The following ADGRV1 variants were observed in gnomAD, a reference collection of about 807,000 sequenced individuals.
The protein encoded by ADGRV1 is G-protein coupled receptor 98.
ADGRV1 carries 359 observed loss-of-function variants against 596.2 expected under a neutral mutation model. That is an observed-to-expected ratio of 0.60 (90% CI 0.55 to 0.66). The LOEUF (loss-of-function observed/expected upper bound fraction) is 0.66, where lower values mean the gene tolerates loss of function less well. Among genes scored for constraint, ADGRV1 ranks in the 30% least tolerant of loss-of-function variants. The pLI is 0.00. For synonymous variants in ADGRV1, 2,681 were observed against 2,679.2 expected, an observed-to-expected ratio of 1.00 and a Z score of -0.02; for missense variants, 7,274 against 7,575.6, an observed-to-expected ratio of 0.96 and a Z score of 1.48.
intron 89 of ADGRV1, among the ~76,000 whole-genome samples, chr5:91,159,360 G>A (rs970366394): frequency 6.6e-5 from 10 of 152,206 alleles, no homozygotes; most frequent in Admixed American, 2.0e-4. Context: ...AAGCCACTGT[G>A]TTAGTGCATA....
At chr5:90,639,450 TCTAA>T (rs1766694078) in intron 11 of ADGRV1, among the ~76,000 whole-genome samples, 1 of 152,198 alleles carries the variant, frequency 6.6e-6, no homozygotes, top group Non-Finnish European at 1.5e-5. Context: ...TTATATTCTT[TCTAA>T]CTATTCATTT....
Position 90,676,104 on chromosome 5 carries a change from C to A in ADGRV1, c.5338C>A (p.Gln1780Lys). ...YQNVAGTLEFQPGERYKYIFI... is the reference protein window; with the variant it reads ...YQNVAGTLEFKPGERYKYIFI... ...GAATGTTGCTGGCACATTAGAATTT[C>A]AACCAGGAGAAAGATATAAATACAT... The change falls in exon 25 of 90, where the codon CAA (glutamine) becomes AAA (lysine). Residue 1780 changes from glutamine to lysine, a missense_variant. Around this residue, in one of 5 missense-constraint regions of ADGRV1, gnomAD observed 3,643 missense variants for 3,809.2 expected, o/e 0.96. Coordinates refer to ENST00000405460, the MANE Select transcript of ADGRV1 (RefSeq NM_032119.4). 1 of 1,601,562 alleles carries A rather than the reference C, an allele frequency of 6.2e-7. No individual in the cohort carries two copies. The highest frequency in any genetic ancestry group is 1.1e-5 in the South Asian group (1 of 89,430).
intron 83 of ADGRV1, among the ~76,000 whole-genome samples, chr5:90,946,404 A>C (rs918738852): frequency 2.0e-5 from 3 of 152,154 alleles, no homozygotes; most frequent in African/African-American, 7.2e-5. Context: ...TTGAGATTTG[A>C]ACATAATCAT....
intron 76 of ADGRV1, among the ~76,000 whole-genome samples, chr5:90,827,345 G>A (rs1764152649): frequency 6.6e-6 from 1 of 152,142 alleles, no homozygotes; most frequent in South Asian, 2.1e-4. Flanking sequence ...TTTCAATAGA[G>A]TGTTTATTTC....
At chr5:90,989,684 G>A (rs1337017767) in intron 85 of ADGRV1, among the ~76,000 whole-genome samples, 1 of 152,136 alleles carries the variant, frequency 6.6e-6, no homozygotes, top group Non-Finnish European at 1.5e-5. Context: ...TTACCTTCAA[G>A]GTTGTAGCTT....
chr5:90,665,436 A>G (rs1176607363), intron 21 of ADGRV1, among the ~76,000 whole-genome samples: 1 of 151,982 alleles, frequency 6.6e-6, no homozygotes, highest in Non-Finnish European at 1.5e-5. Flanking sequence ...GGTAGTTTGT[A>G]TTTCTGTGGG....
At chr5:90,689,659 C>T (rs1177259979) in intron 29 of ADGRV1, among the ~76,000 whole-genome samples, 3 of 151,934 alleles carry the variant, frequency 2.0e-5, no homozygotes, top group African/African-American at 4.8e-5. Context: ...AAGTCTTTTT[C>T]GTTATTTTGT....
chr5:90,713,054 C>T (rs1749589531), intron 42 of ADGRV1, among the ~76,000 whole-genome samples: 1 of 152,016 alleles, frequency 6.6e-6, no homozygotes, highest in Non-Finnish European at 1.5e-5. Context: ...TGGAAGGGCT[C>T]TTAAAAAGTC....
At chr5:90,662,926 A>G (rs1015812276) in intron 21 of ADGRV1, among the ~76,000 whole-genome samples, 8 of 151,202 alleles carry the variant, frequency 5.3e-5, no homozygotes, top group African/African-American at 1.9e-4. Flanking sequence ...CCATGTCCCT[A>G]CAAAGGACAT....
At chr5:90,936,111 T>C (rs546608868) in intron 83 of ADGRV1, among the ~76,000 whole-genome samples, 73 of 152,340 alleles carry the variant, frequency 4.8e-4, no homozygotes, top group African/African-American at 1.7e-3. Flanking sequence ...CTAGACTTTA[T>C]GAATCATTGC....
rs753311840 is a variant in ADGRV1 at position 90,788,320 on chromosome 5, G to A, written c.13893+10G>A. 1 of 1,578,972 alleles carries A rather than the reference G, an allele frequency of 6.3e-7. No homozygotes were observed. Among genetic ancestry groups the A allele is most frequent in the East Asian group, 2.3e-5 (1 of 44,376 alleles). ...AGATGTTACATTAACCGTATGTATGGCTTTATTTTTCTCACAAAATGTGGA... is the reference window on the plus strand; with the variant it reads ...AGATGTTACATTAACCGTATGTATGACTTTATTTTTCTCACAAAATGTGGA... On this transcript the variant is annotated intron_variant, in intron 68 of 89. Coordinates refer to ENST00000405460, the MANE Select transcript of ADGRV1 (RefSeq NM_032119.4).
chr5:90,591,988 A>G (rs1217394812), intron 1 of ADGRV1, among the ~76,000 whole-genome samples: 1 of 152,224 alleles, frequency 6.6e-6, no homozygotes, highest in Admixed American at 6.5e-5. Context: ...TAACTCAGAT[A>G]ATAAGGAGTG....
At chr5:90,595,984 C>CT (rs1462727909) in intron 1 of ADGRV1, among the ~76,000 whole-genome samples, 1 of 151,174 alleles carries the variant, frequency 6.6e-6, no homozygotes, top group Non-Finnish European at 1.5e-5. Flanking sequence ...AGGCTCCTCA[C>CT]TTTTCAGACG....
intron 64 of ADGRV1, 44 bp downstream of exon 64, chr5:90,779,141 G>A: frequency 8.9e-7 from 1 of 1,124,378 alleles, no homozygotes; most frequent in Non-Finnish European, 1.3e-6. Flanking sequence ...AAAGAGCAGA[G>A]AGAAAGAGAG....
chr5:90,770,221 G>C (rs762481159), intron 59 of ADGRV1, among the ~76,000 whole-genome samples: 1 of 152,192 alleles, frequency 6.6e-6, no homozygotes, highest in Non-Finnish European at 1.5e-5. Context: ...GCAAGAGAGC[G>C]TGTGTAGGGG....
chr5:90,809,035 C>T (rs1473823566), intron 73 of ADGRV1, among the ~76,000 whole-genome samples: 1 of 151,556 alleles, frequency 6.6e-6, no homozygotes, highest in East Asian at 2.0e-4. Flanking sequence ...CAAGCTCCGC[C>T]TCCCGGGTTC....
chr5:90,800,269 A>G (rs963918880), intron 70 of ADGRV1, among the ~76,000 whole-genome samples: 2 of 152,266 alleles, frequency 1.3e-5, no homozygotes, highest in African/African-American at 4.8e-5. Flanking sequence ...GGCAAAGGAT[A>G]TGAACAGACA....
Position 90,811,095 on chromosome 5 carries a change from A to G in ADGRV1, c.15835A>G (p.Ile5279Val), listed in dbSNP as rs1762401350. 2 of 1,613,892 alleles carry G rather than the reference A, an allele frequency of 1.2e-6. No homozygotes were observed. The highest frequency in any genetic ancestry group is 1.1e-5 in the South Asian group (1 of 91,082). ...MEPNALPFRG[I>V]YGISNLTWAV... ...ACCAAATGCATTGCCCTTTCGTGGT[A>G]TCTATGGGATTTCCAACCTAACATG... The change falls in exon 74 of 90, where the codon ATC becomes GTC. Residue 5279 changes from isoleucine to valine, a missense_variant. Physicochemically the swap from Ile to Val is conservative, Grantham distance 29. Transcript: ENST00000405460.
intron 83 of ADGRV1, among the ~76,000 whole-genome samples, chr5:90,950,684 A>G (rs1304981690): frequency 6.6e-6 from 1 of 152,146 alleles, no homozygotes; most frequent in Non-Finnish European, 1.5e-5. Flanking sequence ...AGGATAAAGA[A>G]AAAAAGGGAG....
Sources: allele counts gnomAD v4.1 joint callset (sites outside exome capture counted in the v4.1 genomes callset), GRCh38; gene constraint gnomAD v4.1.1; regional missense constraint gnomAD v4.1.1; transcripts MANE v1.5; gene names NCBI Gene and HGNC (gene_info 2026-07-23, HGNC 2026-07-21).